The following LHCGR variants were observed in gnomAD, a reference collection of about 807,000 sequenced individuals.
The protein encoded by LHCGR is luteinizing hormone/choriogonadotropin receptor.
In LHCGR, 55 loss-of-function variants were observed where a neutral mutation model predicts 60.7. That is an observed-to-expected ratio of 0.91 (90% CI 0.73 to 1.13). The LOEUF (loss-of-function observed/expected upper bound fraction) is 1.13, where lower values mean the gene tolerates loss of function less well. Among genes scored for constraint, LHCGR ranks in the 50% most tolerant of loss-of-function variants. LHCGR has a pLI of 0.00. For synonymous variants in LHCGR, 337 were observed against 316.5 expected, an observed-to-expected ratio of 1.06 and a Z score of -0.69; for missense variants, 862 against 836.0, an observed-to-expected ratio of 1.03 and a Z score of -0.38.
At chr2:48,721,839 G>C (rs78842424) in intron 6 of LHCGR, 3 of 469,070 alleles carry the variant, frequency 6.4e-6, no homozygotes, top group South Asian at 1.6e-5. Flanking sequence ...ATTAAATCAG[G>C]GTCACTGGGC....
intron 7 of LHCGR, among the ~76,000 whole-genome samples, chr2:48,709,931 G>T (rs939059945): frequency 2.0e-5 from 3 of 152,174 alleles, no homozygotes; most frequent in Non-Finnish European, 4.4e-5. Flanking sequence ...TAAGAGAATG[G>T]TTGTGATTCA....
At chr2:48,740,606 C>T (rs563216442) in intron 1 of LHCGR, among the ~76,000 whole-genome samples, 110 of 152,076 alleles carry the variant, frequency 7.2e-4, no homozygotes, top group African/African-American at 2.3e-3. Flanking sequence ...TGGCCGGGTA[C>T]TCCAACAGAC....
chr2:48,725,691 G>T lies in LHCGR; in HGVS notation c.368C>A (p.Pro123His), dbSNP rs938544785. The T allele has an allele frequency of 6.2e-7, 1 of 1,612,750 alleles. No individual in the cohort carries two copies. The highest frequency in any genetic ancestry group is 8.5e-7 in the Non-Finnish European group (1 of 1,179,050). Reference protein sequence around the residue: ...YIEPGAFINLPRLKYLSICNT... With the variant: ...YIEPGAFINLHRLKYLSICNT... ...AATTTCTCACAAGTATTTTAATCGGGGAAGATTTATAAATGCTCCGGGCTC... is the reference window on the plus strand; with the variant it reads ...AATTTCTCACAAGTATTTTAATCGGTGAAGATTTATAAATGCTCCGGGCTC... The change falls in exon 4 of 11, where the codon CCC (proline) becomes CAC (histidine). Residue 123 changes from proline to histidine, a missense_variant. Coordinates refer to ENST00000294954, the MANE Select transcript of LHCGR (RefSeq NM_000233.4).
intron 6 of LHCGR, among the ~76,000 whole-genome samples, chr2:48,722,213 G>A (rs751174453): frequency 6.6e-6 from 1 of 152,198 alleles, no homozygotes; most frequent in Non-Finnish European, 1.5e-5. Flanking sequence ...GGGCTCCCAT[G>A]TGAAGATGTA....
chr2:48,742,191 G>A (rs1669488946), intron 1 of LHCGR, among the ~76,000 whole-genome samples: 1 of 151,898 alleles, frequency 6.6e-6, no homozygotes, highest in Non-Finnish European at 1.5e-5. Context: ...GATTCATAAA[G>A]CAAGTCCTGA....
chr2:48,695,704 A>T (rs980398148), intron 9 of LHCGR, among the ~76,000 whole-genome samples: 1 of 152,200 alleles, frequency 6.6e-6, no homozygotes, highest in African/African-American at 2.4e-5. Context: ...ATGTAATTCT[A>T]TGCAGCCATA....
chr2:48,711,217 C>T (rs7579411), intron 7 of LHCGR, among the ~76,000 whole-genome samples: 77,428 of 152,056 alleles, frequency 0.51, 20,847 homozygotes, highest in African/African-American at 0.68. Context: ...TTGCCTAAAT[C>T]GTTCACCCCT....
chr2:48,709,882 C>T (rs1222145813), intron 7 of LHCGR, among the ~76,000 whole-genome samples: 1 of 152,156 alleles, frequency 6.6e-6, no homozygotes, highest in Non-Finnish European at 1.5e-5. Flanking sequence ...AATCCCTGGG[C>T]TCAAGTCTGC....
intron 1 of LHCGR, among the ~76,000 whole-genome samples, chr2:48,751,723 A>T (rs1558907256): frequency 6.6e-6 from 1 of 152,246 alleles, no homozygotes; most frequent in African/African-American, 2.4e-5. Context: ...TGAACATTGC[A>T]TTAGGTTGGT....
chr2:48,726,879 A>C (rs1252888237), intron 3 of LHCGR, among the ~76,000 whole-genome samples: 1 of 152,188 alleles, frequency 6.6e-6, no homozygotes, highest in Non-Finnish European at 1.5e-5. Flanking sequence ...TAGGAAGTTG[A>C]ATGATTTGTC....
chr2:48,712,057 C>G (rs999926119), intron 7 of LHCGR, among the ~76,000 whole-genome samples: 2 of 151,914 alleles, frequency 1.3e-5, no homozygotes, highest in African/African-American at 4.8e-5. Flanking sequence ...CTGGACCATT[C>G]TTCTGGCTGT....
chr2:48,713,366 A>T (rs995708104), intron 7 of LHCGR, among the ~76,000 whole-genome samples: 1 of 152,130 alleles, frequency 6.6e-6, no homozygotes, highest in Non-Finnish European at 1.5e-5. Context: ...CAGCCCCACA[A>T]ACTTTGTGAA....
intron 1 of LHCGR, chr2:48,733,147 A>T (rs1248875298): frequency 2.8e-6 from 1 of 351,412 alleles, no homozygotes; most frequent in East Asian, 7.5e-5. Flanking sequence ...CTGACAGCCA[A>T]ATTCTGATTC....
chr2:48,721,115 A>G (rs1436094636), intron 6 of LHCGR: 1 of 152,298 alleles, frequency 6.6e-6, no homozygotes, highest in Admixed American at 6.5e-5. Context: ...TTATTATTTT[A>G]TGTTTTCCCC....
At chr2:48,754,602 C>T (rs1440515205) in intron 1 of LHCGR, among the ~76,000 whole-genome samples, 4 of 152,146 alleles carry the variant, frequency 2.6e-5, no homozygotes, top group Non-Finnish European at 5.9e-5. Flanking sequence ...ACCACCCCCC[C>T]GCCCCAAGCC....
At chr2:48,733,661 T>A (rs770433898) in intron 1 of LHCGR, among the ~76,000 whole-genome samples, 2 of 151,992 alleles carry the variant, frequency 1.3e-5, no homozygotes, top group Non-Finnish European at 2.9e-5. Context: ...AGAGGTGGGG[T>A]TAGGCAGGTG....
At chr2:48,746,715 A>G (rs762859098) in intron 1 of LHCGR, among the ~76,000 whole-genome samples, 11 of 152,358 alleles carry the variant, frequency 7.2e-5, no homozygotes, top group Admixed American at 2.0e-4. Flanking sequence ...AATGGTAAGT[A>G]TATCTAAGCC....
chr2:48,707,655 G>A (rs1024643714), intron 8 of LHCGR, among the ~76,000 whole-genome samples: 5 of 152,226 alleles, frequency 3.3e-5, no homozygotes, highest in Admixed American at 2.6e-4. Context: ...CGCCCAGTTC[G>A]AACTTCCTGG....
intron 6 of LHCGR, among the ~76,000 whole-genome samples, chr2:48,714,292 C>T (rs371442320): frequency 1.3e-5 from 2 of 152,130 alleles, no homozygotes; most frequent in African/African-American, 4.8e-5. Flanking sequence ...ATTATACCGA[C>T]AAGAAGCCTA....
Sources: allele counts gnomAD v4.1 joint callset (sites outside exome capture counted in the v4.1 genomes callset), GRCh38; gene constraint gnomAD v4.1.1; transcripts MANE v1.5; gene names NCBI Gene and HGNC (gene_info 2026-07-23, HGNC 2026-07-21).